TP53BP1: variants seen among roughly 807,000 people sequenced by gnomAD.
The protein encoded by TP53BP1 is tumor protein p53 binding protein 1.
Under a neutral mutation model 200.8 loss-of-function variants are expected in TP53BP1, and 61 were observed. The observed-to-expected ratio is 0.30, with a 90% confidence interval of 0.25 to 0.38. TP53BP1 has a LOEUF of 0.38. TP53BP1 is among the 10% of genes least tolerant of loss of function. TP53BP1 has a pLI of 1.00. For missense variants in TP53BP1, 2,144 were observed against 2,371.9 expected (o/e 0.90, Z 2.00); for synonymous variants, 822 against 844.3 (o/e 0.97, Z 0.46).
chr15:43,505,971 T>C (rs982785945), intron 1 of TP53BP1, among the ~76,000 whole-genome samples: 2 of 152,232 alleles, frequency 1.3e-5, no homozygotes, highest in African/African-American at 4.8e-5. Flanking sequence ...CTGAGCTGTA[T>C]GCAGCTCCCT....
intron 16 of TP53BP1, among the ~76,000 whole-genome samples, chr15:43,434,101 G>A (rs2045735157): frequency 6.6e-6 from 1 of 152,168 alleles, no homozygotes; most frequent in African/African-American, 2.4e-5. Flanking sequence ...GGTTGTTATA[G>A]TGTGTGTCCT....
At chr15:43,447,536 A>G in intron 12 of TP53BP1, 51 bp from the exon 13 acceptor site, 2 of 1,421,446 alleles carry the variant, frequency 1.4e-6, no homozygotes, top group Non-Finnish European at 1.9e-6. Context: ...ATGATTTAAA[A>G]AAAACAGAAG....
chr15:43,452,923 G>A (rs1049851132), intron 12 of TP53BP1, among the ~76,000 whole-genome samples: 2 of 152,022 alleles, frequency 1.3e-5, no homozygotes, highest in African/African-American at 2.4e-5. Flanking sequence ...GGCCGGGCGC[G>A]GTGGCTCACG....
At chr15:43,412,441 A>G (rs192234736) in intron 24 of TP53BP1, among the ~76,000 whole-genome samples, 4 of 152,282 alleles carry the variant, frequency 2.6e-5, no homozygotes, top group Admixed American at 1.3e-4. Context: ...GTATACATTT[A>G]TATCTGCTCA....
intron 1 of TP53BP1, among the ~76,000 whole-genome samples, chr15:43,500,398 A>T (rs28456184): frequency 1.3e-5 from 2 of 149,960 alleles, no homozygotes; most frequent in East Asian, 1.9e-4. Context: ...TTTTGTTGAA[A>T]TTTTTTTTTT....
intron 11 of TP53BP1, among the ~76,000 whole-genome samples, chr15:43,464,266 C>G (rs1187617799): frequency 6.6e-6 from 1 of 152,006 alleles, no homozygotes; most frequent in Non-Finnish European, 1.5e-5. Context: ...CTATTCCAGA[C>G]AGAAGAAAAC....
chr15:43,415,832 G>A (rs1487925133), intron 22 of TP53BP1, 23 bp from the exon 23 acceptor site: 1 of 1,607,382 alleles, frequency 6.2e-7, no homozygotes, highest in African/African-American at 1.3e-5. Context: ...AAGCCAAACA[G>A]GTTGGTCAAA....
At chr15:43,485,926 C>T (rs2079040984) in intron 4 of TP53BP1, among the ~76,000 whole-genome samples, 3 of 152,078 alleles carry the variant, frequency 2.0e-5, no homozygotes, top group African/African-American at 7.2e-5. Flanking sequence ...ATTCAGATTA[C>T]AGACAAAAAA....
rs375307208 is a variant in TP53BP1 at position 43,456,881 on chromosome 15, G to A, written c.1727C>T (p.Pro576Leu). 1.7e-5 allele frequency: 28 copies of A among 1,613,836 alleles called. No homozygotes were observed. The highest frequency in any genetic ancestry group is 8.3e-5 in the Admixed American group (5 of 59,990). ...PAENDSILMNPAQDGEVQLSQ... is the reference protein window; with the variant it reads ...PAENDSILMNLAQDGEVQLSQ... ...CAGTTGTACTTCACCATCCTGTGCT[G>A]GATTCATCAGGATACTATCATTTTC... is the stretch of plus-strand genomic sequence containing the variant. Residue 576 changes from proline to leucine, a missense_variant, in exon 12 of 28, where the codon CCA becomes CTA. By Grantham distance (98) the Pro-to-Leu change is moderately conservative. Transcript: ENST00000382044.
In TP53BP1 at chr15:43,465,799, TTTG is replaced by T. The variant is rs142110979; in HGVS notation, c.1389+4056_1389+4058del. 8.6e-3 allele frequency among the ~76,000 whole-genome samples: 1,304 copies of T among 150,792 alleles called. 9 individuals carry two copies. The highest frequency in any genetic ancestry group is 0.014 in the African/African-American group (562 of 41,012). On this transcript the variant is annotated intron_variant, in intron 11 of 27. Coordinates refer to ENST00000382044, the MANE Select transcript of TP53BP1 (RefSeq NM_001141980.3). ...AGACTGCCTTCACACTGTTTTGTTT[TTTG>T]TTGTTGTTGTTGTTGTTGTTTTGTT...
chr15:43,408,798 C>T, intron 26 of TP53BP1, 99 bp downstream of exon 26: 2 of 1,223,196 alleles, frequency 1.6e-6, no homozygotes, highest in East Asian at 2.4e-5. Context: ...ACAGACATTC[C>T]AATTTCTAGA....
At position 43,456,987 on chromosome 15, in the gene TP53BP1, T is replaced by G. The variant is rs770705650; in HGVS notation, c.1621A>C (p.Ile541Leu). ...TGTGTGTTTTCTCCATCTTCATCAATTCTGTGAGAACTCAAGCTCTCCATC... is the reference window on the plus strand; with the variant it reads ...TGTGTGTTTTCTCCATCTTCATCAAGTCTGTGAGAACTCAAGCTCTCCATC... The part of the protein sequence containing the change: ...PKMESLSSHR[I>L]DEDGENTQIE... The change falls in exon 12 of 28, where the codon ATT (isoleucine) becomes CTT (leucine). Residue 541 changes from isoleucine to leucine, a missense_variant. Physicochemically the swap from Ile to Leu is conservative, Grantham distance 5. Transcript: ENST00000382044. 1.2e-6 allele frequency: 2 copies of G among 1,614,224 alleles called. No individual in the cohort carries two copies. The highest frequency in any genetic ancestry group is 2.2e-5 in the South Asian group (2 of 91,082).
At chr15:43,493,950 G>T (rs1250147975), upstream of TP53BP1, among the ~76,000 whole-genome samples, 2 of 152,150 alleles carry the variant, frequency 1.3e-5, no homozygotes, top group Non-Finnish European at 2.9e-5. Flanking sequence ...CTAACTAGAT[G>T]ACCTCAAAGA....
intron 18 of TP53BP1, among the ~76,000 whole-genome samples, chr15:43,426,486 G>C (rs944802144): frequency 1.4e-5 from 2 of 148,110 alleles, no homozygotes; most frequent in Admixed American, 6.7e-5. Context: ...TACTCAATGA[G>C]TGTCTGTAAA....
In TP53BP1 at chr15:43,469,914, T is replaced by G; in HGVS notation, c.1333A>C (p.Thr445Pro). Residue 445 changes from threonine (T) to proline (P), a missense_variant, in exon 11 of 28, where the codon ACA becomes CCA. Thr to Pro is a conservative substitution (Grantham distance 38). Coordinates refer to ENST00000382044, the MANE Select transcript of TP53BP1 (RefSeq NM_001141980.3). ...AGTGACCCAGGAGGGAAGACTGGTG[T>G]GCTCTGAGATATTGGTGTTGAGGCT... ...PQASTPISQS[T>P]PVFPPGSLPI... 1 of 1,614,070 alleles carries G rather than the reference T, an allele frequency of 6.2e-7. No homozygotes were observed. The highest frequency in any genetic ancestry group is 8.5e-7 in the Non-Finnish European group (1 of 1,180,036).
chr15:43,479,067 T>A (rs967840756), intron 7 of TP53BP1, among the ~76,000 whole-genome samples: 5 of 152,024 alleles, frequency 3.3e-5, no homozygotes, highest in African/African-American at 1.2e-4. Context: ...ATTTTTTTAA[T>A]CAACAAAAAA....
chr15:43,494,456 G>T (rs1412052786), upstream of TP53BP1, among the ~76,000 whole-genome samples: 1 of 151,934 alleles, frequency 6.6e-6, no homozygotes, highest in Non-Finnish European at 1.5e-5. Context: ...CCTTGAAACT[G>T]TCCTGAAAAA....
At chr15:43,421,586 A>C (rs1047579928) in intron 19 of TP53BP1, 3 of 558,462 alleles carry the variant, frequency 5.4e-6, no homozygotes, top group Non-Finnish European at 9.5e-6. Context: ...AGCAGTGCCC[A>C]CCAGATGATA....
At chr15:43,491,974 AG>A in intron 3 of TP53BP1, 27 bp downstream of exon 3, 1 of 1,562,314 alleles carries the variant, frequency 6.4e-7, no homozygotes, top group Non-Finnish European at 8.8e-7. Flanking sequence ...AAAAATGCAA[AG>A]GGGACAGATA....
Sources: gnomAD v4.1 joint callset for allele counts (sites outside exome capture counted in the v4.1 genomes callset) on GRCh38, gnomAD v4.1.1 for gene constraint, MANE v1.5 for transcripts, NCBI Gene and HGNC (gene_info 2026-07-23, HGNC 2026-07-21) for gene names.